The following DLGAP2 variants were observed in gnomAD, a reference collection of about 807,000 sequenced individuals.
DLGAP2 encodes disks large-associated protein 2.
In DLGAP2, 26 loss-of-function variants were observed where a neutral mutation model predicts 100.3. The ratio of observed to expected loss-of-function variants is 0.26; its 90% confidence interval spans 0.19 to 0.36. The LOEUF is 0.36. DLGAP2 is among the 10% of genes least tolerant of loss of function. DLGAP2 has a pLI of 1.00. For synonymous variants in DLGAP2, 886 were observed against 630.1 expected (o/e 1.41, Z -6.08); for missense variants, 1,858 against 1,453.2 (o/e 1.28, Z -4.53).
In DLGAP2 at chr8:1,668,601, C is replaced by G. The variant is rs376778482; in HGVS notation, c.2083C>G (p.Arg695Gly). The change falls in exon 9 of 15, where the codon CGG (arginine) becomes GGG (glycine). Residue 695 changes from arginine (R) to glycine (G), a missense_variant. Coordinates refer to ENST00000637795, the MANE Select transcript of DLGAP2 (RefSeq NM_001346810.2). ...GCCAGAGAGCCAGAGCAGCTCTGTG[C>G]GGACCAGCGACAAGGCCATCCTGGT... ...HLPESQSSSV[R>G]TSDKAILVSK... is the part of the protein sequence containing the mutation. 6.3e-7 allele frequency: 1 copy of G among 1,599,110 alleles called. No individual in the cohort carries two copies. The highest frequency in any genetic ancestry group is 8.5e-7 in the Non-Finnish European group (1 of 1,173,736).
At chr8:1,101,182 C>CT (rs1804566826) in intron 2 of DLGAP2, among the ~76,000 whole-genome samples, 1 of 152,174 alleles carries the variant, frequency 6.6e-6, no homozygotes, top group South Asian at 2.1e-4. Flanking sequence ...AAATCTGTCT[C>CT]TGAGTGTGCA....
chr8:1,580,078 C>T (rs550289252), intron 6 of DLGAP2, among the ~76,000 whole-genome samples: 14 of 152,298 alleles, frequency 9.2e-5, no homozygotes, highest in South Asian at 2.1e-4. Context: ...GTTCTGTACA[C>T]GATGACCAAG....
intron 2 of DLGAP2, among the ~76,000 whole-genome samples, chr8:946,425 G>A (rs967310231): frequency 2.6e-5 from 4 of 152,076 alleles, no homozygotes; most frequent in African/African-American, 4.8e-5. Flanking sequence ...CACCACGCCC[G>A]GCTAATTTTT....
At chr8:1,030,026 A>G (rs1354743819) in intron 2 of DLGAP2, among the ~76,000 whole-genome samples, 4 of 152,180 alleles carry the variant, frequency 2.6e-5, no homozygotes, top group African/African-American at 9.6e-5. Context: ...GAGCCATGGA[A>G]TAGGCTTATT....
intron 2 of DLGAP2, among the ~76,000 whole-genome samples, chr8:1,003,576 T>A (rs1801022291): frequency 6.6e-6 from 1 of 152,252 alleles, no homozygotes; most frequent in South Asian, 2.1e-4. Flanking sequence ...GAAGCCACTG[T>A]TCCTGATGGC....
intron 13 of DLGAP2, 31 bp from the exon 14 acceptor site, chr8:1,697,116 C>A (rs1288543999): frequency 6.6e-7 from 1 of 1,510,316 alleles, no homozygotes; most frequent in Non-Finnish European, 8.9e-7. Context: ...GGAGACTCTC[C>A]TGGCTCTGAA....
intron 3 of DLGAP2, among the ~76,000 whole-genome samples, chr8:1,453,799 A>T (rs929848304): frequency 6.6e-6 from 1 of 152,240 alleles, no homozygotes; most frequent in African/African-American, 2.4e-5. Context: ...CCAACCCATA[A>T]GGCATCATGC....
intron 1 of DLGAP2, among the ~76,000 whole-genome samples, chr8:789,117 A>G (rs772470491): frequency 3.9e-5 from 6 of 152,186 alleles, no homozygotes; most frequent in Non-Finnish European, 8.8e-5. Flanking sequence ...TGATTTGCAA[A>G]TATTTTCTCC....
At chr8:1,356,420 C>G (rs938508280) in intron 3 of DLGAP2, among the ~76,000 whole-genome samples, 3 of 152,200 alleles carry the variant, frequency 2.0e-5, no homozygotes, top group African/African-American at 7.2e-5. Flanking sequence ...TGTGAAACCA[C>G]AAGCGCTTTC....
At chr8:1,684,073 C>A (rs969022053) in intron 12 of DLGAP2, among the ~76,000 whole-genome samples, 5 of 149,256 alleles carry the variant, frequency 3.3e-5, no homozygotes, top group Non-Finnish European at 7.4e-5. Flanking sequence ...CCTCTGCCTC[C>A]CAAGTTCAAG....
intron 3 of DLGAP2, among the ~76,000 whole-genome samples, chr8:1,424,005 C>T (rs879855602): frequency 4.6e-5 from 7 of 152,154 alleles, no homozygotes; most frequent in East Asian, 3.9e-4. Flanking sequence ...AAATAGCAGC[C>T]GGATTATTCA....
intron 1 of DLGAP2, among the ~76,000 whole-genome samples, chr8:792,780 G>A (rs1475219023): frequency 2.6e-5 from 4 of 152,162 alleles, no homozygotes; most frequent in Non-Finnish European, 4.4e-5. Flanking sequence ...AATAATAACC[G>A]TTTTAATACT....
At chr8:1,645,963 T>C (rs1798031091) in intron 8 of DLGAP2, among the ~76,000 whole-genome samples, 1 of 152,222 alleles carries the variant, frequency 6.6e-6, no homozygotes, top group Non-Finnish European at 1.5e-5. Context: ...TAGGTGATGT[T>C]TGCCATTGGT....
At chr8:771,092 G>C (rs919109403) in intron 1 of DLGAP2, among the ~76,000 whole-genome samples, 3 of 152,026 alleles carry the variant, frequency 2.0e-5, no homozygotes, top group Non-Finnish European at 4.4e-5. Flanking sequence ...AGGTCCCTTG[G>C]TCCTCCTGTG....
chr8:1,138,761 A>G (rs1796467584), intron 2 of DLGAP2, among the ~76,000 whole-genome samples: 2 of 151,938 alleles, frequency 1.3e-5, no homozygotes, highest in Non-Finnish European at 1.5e-5. Context: ...CTGGTGGGAA[A>G]TTCTTCTTGT....
chr8:999,664 A>G (rs531787146), intron 2 of DLGAP2, among the ~76,000 whole-genome samples: 1 of 151,788 alleles, frequency 6.6e-6, no homozygotes. Context: ...TATTTTTAGT[A>G]GAAATGGGGT....
chr8:1,082,831 T>C (rs1425153799), intron 2 of DLGAP2, among the ~76,000 whole-genome samples: 1 of 152,240 alleles, frequency 6.6e-6, no homozygotes, highest in African/African-American at 2.4e-5. Flanking sequence ...GAATTCAAGA[T>C]AGGCTATTTC....
intron 4 of DLGAP2, among the ~76,000 whole-genome samples, chr8:1,514,570 C>T (rs898917192): frequency 5.3e-5 from 8 of 152,196 alleles, no homozygotes; most frequent in Non-Finnish European, 5.9e-5. Flanking sequence ...CTTCTATCAG[C>T]CATTTATGGG....
intron 2 of DLGAP2, among the ~76,000 whole-genome samples, chr8:1,256,203 A>ATGCCCGGGTGCTGTGTGTGTGCCCTCTCC (rs1799209407): frequency 2.3e-4 from 7 of 31,042 alleles, no homozygotes; most frequent in African/African-American, 1.2e-3. Flanking sequence ...GTGTCCTCTC[A>ATGCCCGGGTGCTGTGTGTGTGCCCTCTCC]TGCCCGGGTG....
Sources: allele counts gnomAD v4.1 joint callset (sites outside exome capture counted in the v4.1 genomes callset), GRCh38; gene constraint gnomAD v4.1.1; transcripts MANE v1.5; gene names NCBI Gene and HGNC (gene_info 2026-07-23, HGNC 2026-07-21).